GPLD1: variants seen among roughly 807,000 people sequenced by gnomAD.
GPLD1 encodes the protein glycosylphosphatidylinositol specific phospholipase D1, also known as phosphatidylinositol-glycan-specific phospholipase D.
GPLD1 carries 84 observed loss-of-function variants against 112.6 expected under a neutral mutation model. The observed-to-expected ratio is 0.75, with a 90% CI of 0.63 to 0.89. The LOEUF (loss-of-function observed/expected upper bound fraction) is 0.89, where lower values mean the gene tolerates loss of function less well. GPLD1 is among the 40% of genes least tolerant of loss of function. GPLD1 has a pLI of 0.00. For synonymous variants in GPLD1, 386 were observed against 403.8 expected (o/e 0.96, Z 0.53); for missense variants, 1,044 against 1,051.5 (o/e 0.99, Z 0.10).
Position 24,466,955 on chromosome 6 carries a change from T to C in GPLD1, c.654-16A>G. ...CTCACCATACCTGCAAAATAAACAA[T>C]AATTTTGGCTGTGAGTTGCAGTTTG... is the stretch of plus-strand genomic sequence containing the variant. On this transcript the variant is annotated splice_polypyrimidine_tract_variant and intron_variant, in intron 8 of 24. Coordinates refer to ENST00000230036, the MANE Select transcript of GPLD1 (RefSeq NM_001503.4). 6.2e-7 allele frequency: 1 copy of C among 1,607,754 alleles called. No individual in the cohort carries two copies. The highest frequency in any genetic ancestry group is 8.5e-7 in the Non-Finnish European group (1 of 1,174,346).
At chr6:24,453,325 T>C (rs973050834) in intron 14 of GPLD1, among the ~76,000 whole-genome samples, 14 of 152,198 alleles carry the variant, frequency 9.2e-5, no homozygotes, top group African/African-American at 3.4e-4. Context: ...TGTACTGTCT[T>C]TATACCTTTT....
intron 1 of GPLD1, among the ~76,000 whole-genome samples, chr6:24,494,627 C>A (rs1218564351): frequency 6.6e-6 from 1 of 152,134 alleles, no homozygotes; most frequent in South Asian, 2.1e-4. Flanking sequence ...GGGTCTCTAG[C>A]AGCGATTGGG....
Position 24,476,812 on chromosome 6 carries a change from G to A in GPLD1, c.233-534C>T, listed in dbSNP as rs1290579680. On this transcript the variant is annotated intron_variant, in intron 3 of 24. Coordinates refer to ENST00000230036, the MANE Select transcript of GPLD1 (RefSeq NM_001503.4). ...AAGTGTCGTTTGAGTGGGCCAGTGCGTGTCCCATGTAGCTCTTTATTCCCA... is the reference window on the plus strand; with the variant it reads ...AAGTGTCGTTTGAGTGGGCCAGTGCATGTCCCATGTAGCTCTTTATTCCCA... 3.9e-5 allele frequency among the ~76,000 whole-genome samples: 6 copies of A among 152,118 alleles called. 1 individual carries two copies. The highest frequency in any genetic ancestry group is 4.8e-5 in the African/African-American group (2 of 41,410).
At chr6:24,463,557 T>G (rs1384934856) in intron 10 of GPLD1, among the ~76,000 whole-genome samples, 1 of 152,200 alleles carries the variant, frequency 6.6e-6, no homozygotes, top group African/African-American at 2.4e-5. Flanking sequence ...AAAGGTTCTC[T>G]CTTTGGACCT....
chr6:24,450,750 G>A (rs1340872226), intron 14 of GPLD1, among the ~76,000 whole-genome samples: 1 of 152,174 alleles, frequency 6.6e-6, no homozygotes, highest in Non-Finnish European at 1.5e-5. Context: ...GCCGAGGCGA[G>A]CAGATCACCT....
At chr6:24,456,469 A>G in intron 13 of GPLD1, 29 bp downstream of exon 13, 1 of 1,445,560 alleles carries the variant, frequency 6.9e-7, no homozygotes, top group Non-Finnish European at 9.5e-7. Flanking sequence ...TGAAGAAAAC[A>G]TTCACAAGTT....
At chr6:24,442,043 A>G (rs1762763795) in intron 20 of GPLD1, among the ~76,000 whole-genome samples, 1 of 148,696 alleles carries the variant, frequency 6.7e-6, no homozygotes, top group Non-Finnish European at 1.5e-5. Flanking sequence ...TTTATATTAT[A>G]TATTAGTATA....
At chr6:24,493,722 T>C (rs541023356), upstream of GPLD1, among the ~76,000 whole-genome samples, 1 of 152,318 alleles carries the variant, frequency 6.6e-6, no homozygotes, top group South Asian at 2.1e-4. Context: ...TGTGACTGGC[T>C]CAAAACTCAA....
intron 6 of GPLD1, 53 bp downstream of exon 6, chr6:24,473,566 A>C (rs760112198): frequency 9.1e-7 from 1 of 1,100,628 alleles, no homozygotes; most frequent in South Asian, 1.2e-5. Flanking sequence ...TAGTGATGTC[A>C]TTATAAGTGA....
intron 2 of GPLD1, among the ~76,000 whole-genome samples, chr6:24,483,978 C>T (rs987058165): frequency 6.6e-6 from 1 of 152,056 alleles, no homozygotes; most frequent in Non-Finnish European, 1.5e-5. Context: ...CGCAGCAGTG[C>T]GATCTCCGCT....
chr6:24,445,900 A>ATTTCCTTTCCTTGCTCCTG, intron 18 of GPLD1, 69 bp from the exon 19 acceptor site: 1 of 1,117,276 alleles, frequency 9.0e-7, no homozygotes, highest in Non-Finnish European at 1.4e-6. Context: ...ACTCAGGAGC[A>ATTTCCTTTCCTTGCTCCTG]AGGAAAGGAA....
intron 7 of GPLD1, among the ~76,000 whole-genome samples, chr6:24,471,301 C>T (rs541298924): frequency 1.3e-5 from 2 of 152,194 alleles, no homozygotes; most frequent in Admixed American, 1.3e-4. Flanking sequence ...TCGAGACCAG[C>T]CTGGGCAACA....
rs1355274235 is a variant in GPLD1, at chr6:24,434,294, A to C, written c.2359-905T>G. ...GCGCCTGTAGTCCCAGCTACTCAGG[A>C]AGCTGAGGCAGGAGAATCGCTTGAA... On this transcript the variant is annotated intron_variant, in intron 22 of 24. Transcript: ENST00000230036. Among the ~76,000 whole-genome samples, 3 of 152,130 alleles carry C rather than the reference A, an allele frequency of 2.0e-5. No individual in the cohort carries two copies. In the East Asian group the frequency reaches 5.8e-4, roughly 29 times the overall value.
At chr6:24,429,841 C>G (rs1247351269) in intron 24 of GPLD1, among the ~76,000 whole-genome samples, 2 of 152,176 alleles carry the variant, frequency 1.3e-5, no homozygotes, top group Admixed American at 6.5e-5. Context: ...AGCCACCATG[C>G]CTGGTCTTTA....
At position 24,458,818 on chromosome 6, in the gene GPLD1, C is replaced by T. The variant is rs536205337; in HGVS notation, c.1008+1461G>A. 6.6e-5 allele frequency among the ~76,000 whole-genome samples: 10 copies of T among 151,696 alleles called. No individual in the cohort carries two copies. In the South Asian group the frequency reaches 2.1e-3, roughly 32 times the overall value. ...GCTTGAACCCGGGAGGCAGAGGTTA[C>T]AGTGAGCTGAGGTGGTACCACTGCA... On this transcript the variant is annotated intron_variant, in intron 12 of 24. Transcript: ENST00000230036.
upstream of GPLD1, chr6:24,489,598 C>G: frequency 2.5e-6 from 4 of 1,584,524 alleles, no homozygotes; most frequent in South Asian, 4.6e-5. Context: ...GGTGCAGACC[C>G]ACCGCTTCTC....
intron 6 of GPLD1, 45 bp downstream of exon 6, chr6:24,473,574 T>C: frequency 8.1e-7 from 1 of 1,238,636 alleles, no homozygotes; most frequent in East Asian, 2.3e-5. Flanking sequence ...TCATTATAAG[T>C]GAACTATACC....
At chr6:24,459,228 G>A (rs907515013) in intron 12 of GPLD1, among the ~76,000 whole-genome samples, 2 of 149,894 alleles carry the variant, frequency 1.3e-5, no homozygotes, top group African/African-American at 5.0e-5. Flanking sequence ...TAGCCTCCAA[G>A]GTGAAGCTTT....
rs1342925197 is a variant in GPLD1 at position 24,489,449 on chromosome 6, A to C, written c.63T>G (p.Gly21=). 6 of 1,613,576 alleles carry C rather than the reference A, an allele frequency of 3.7e-6. No homozygotes were observed. Among genetic ancestry groups the C allele is most frequent in the Middle Eastern group, 1.6e-4 (1 of 6,062 alleles). ...LIMLGSLCHR[G]SPCGLSTHVE... is the part of the protein sequence containing the mutation. ...CGTGTGTTGAAAGGCCACACGGTGA[A>C]CCTCTATGGCAGAGAGAACCCAACA... Residue 21 remains glycine, a synonymous_variant, in exon 1 of 25, where the codon GGT becomes GGG. Transcript: ENST00000230036.
Sources: gnomAD v4.1 joint callset for allele counts (sites outside exome capture counted in the v4.1 genomes callset) on GRCh38, gnomAD v4.1.1 for gene constraint, MANE v1.5 for transcripts, NCBI Gene and HGNC (gene_info 2026-07-23, HGNC 2026-07-21) for gene names.